OSBPL8: variants seen among roughly 807,000 people sequenced by gnomAD.
OSBPL8 encodes oxysterol binding protein like 8, also known as oxysterol-binding protein-related protein 8.
In OSBPL8, 59 loss-of-function variants were observed where a neutral mutation model predicts 125.5. The observed-to-expected ratio is 0.47, with a 90% CI of 0.38 to 0.58. The LOEUF (loss-of-function observed/expected upper bound fraction) is 0.58, where lower values mean the gene tolerates loss of function less well. OSBPL8 is among the 20% of genes least tolerant of loss of function. OSBPL8 has a pLI of 0.00. For synonymous variants in OSBPL8, 330 were observed against 338.9 expected (o/e 0.97, Z 0.29); for missense variants, 758 against 1,047.8 (o/e 0.72, Z 3.82).
At chr12:76,513,233 A>G (rs1881184768) in intron 1 of OSBPL8, among the ~76,000 whole-genome samples, 1 of 149,356 alleles carries the variant, frequency 6.7e-6, no homozygotes, top group Non-Finnish European at 1.5e-5. Context: ...TTGCTTTCAG[A>G]ATTTTGAGGA....
chr12:76,387,603 T>C (rs1221023826), intron 12 of OSBPL8, among the ~76,000 whole-genome samples: 4 of 152,198 alleles, frequency 2.6e-5, no homozygotes, highest in Non-Finnish European at 5.9e-5. Context: ...TGTTGTTTTC[T>C]GTTTGTAATG....
chr12:76,373,605 T>A, intron 17 of OSBPL8, 172 bp from the exon 18 acceptor site: 1 of 473,530 alleles, frequency 2.1e-6, no homozygotes. Context: ...TAATAAGAAA[T>A]CTGAATTGCT....
intron 1 of OSBPL8, among the ~76,000 whole-genome samples, chr12:76,531,954 G>A (rs1245504949): frequency 1.3e-5 from 2 of 149,250 alleles, no homozygotes; most frequent in Admixed American, 6.7e-5. Flanking sequence ...GGAGAATGGC[G>A]TGAACCCAGG....
chr12:76,393,654 T>C (rs1204647032), intron 9 of OSBPL8, among the ~76,000 whole-genome samples: 1 of 128,106 alleles, frequency 7.8e-6, no homozygotes, highest in African/African-American at 3.0e-5. Context: ...GAGCTTGCAG[T>C]GAGCCGAGAT....
chr12:76,532,790 G>T (rs1320668506), intron 1 of OSBPL8, among the ~76,000 whole-genome samples: 2 of 151,536 alleles, frequency 1.3e-5, no homozygotes, highest in East Asian at 3.9e-4. Flanking sequence ...CACAAGCAGA[G>T]TGATCACGTG....
intron 1 of OSBPL8, among the ~76,000 whole-genome samples, chr12:76,524,652 A>T (rs1475523775): frequency 6.6e-6 from 1 of 151,892 alleles, no homozygotes; most frequent in Non-Finnish European, 1.5e-5. Flanking sequence ...GAAAATCAAA[A>T]TTAATTCATA....
Position 76,386,655 on chromosome 12 carries a change from G to C in OSBPL8, c.1358C>G (p.Ala453Gly). The C allele has an allele frequency of 6.2e-7, 1 of 1,600,548 alleles. No homozygotes were observed. The highest frequency in any genetic ancestry group is 8.5e-7 in the Non-Finnish European group (1 of 1,172,866). The part of the protein sequence containing the change: ...YYHADFLSEA[A>G]LEENPYFRLK... Reference sequence around the variant, plus strand: ...ACGGAAATAAGGATTTTCTTCAAGAGCTGCCCTAAAACACAAAACGGTAAA... The same window carrying C: ...ACGGAAATAAGGATTTTCTTCAAGACCTGCCCTAAAACACAAAACGGTAAA... Residue 453 changes from alanine (A) to glycine (G), a missense_variant, in exon 13 of 24, where the codon GCT becomes GGT. Ala to Gly is a moderately conservative substitution (Grantham distance 60). This residue lies in a region of OSBPL8 where 572 missense variants were observed against 762.0 expected (regional missense o/e 0.75). Coordinates refer to ENST00000261183, the MANE Select transcript of OSBPL8 (RefSeq NM_020841.5).
chr12:76,478,826 C>T (rs967820972), intron 2 of OSBPL8, among the ~76,000 whole-genome samples: 2 of 152,148 alleles, frequency 1.3e-5, no homozygotes, highest in East Asian at 1.9e-4. Flanking sequence ...TGGCTCACAC[C>T]TGTAATCCCA....
chr12:76,495,574 T>C (rs1305192432), intron 1 of OSBPL8, among the ~76,000 whole-genome samples: 1 of 152,204 alleles, frequency 6.6e-6, no homozygotes, highest in Non-Finnish European at 1.5e-5. Context: ...CAAAATATTA[T>C]GCAAGTCTGA....
intron 1 of OSBPL8, among the ~76,000 whole-genome samples, chr12:76,501,369 G>C (rs1214630214): frequency 9.3e-6 from 1 of 107,760 alleles, no homozygotes; most frequent in African/African-American, 2.9e-5. Context: ...GGGCTATAAA[G>C]AAGAAGGAAA....
At chr12:76,510,649 G>A (rs1880877626) in intron 1 of OSBPL8, among the ~76,000 whole-genome samples, 1 of 152,206 alleles carries the variant, frequency 6.6e-6, no homozygotes, top group African/African-American at 2.4e-5. Flanking sequence ...GGAGGCCGAG[G>A]CAGGCAGATC....
At chr12:76,502,112 A>G (rs1316100167) in intron 1 of OSBPL8, among the ~76,000 whole-genome samples, 1 of 152,202 alleles carries the variant, frequency 6.6e-6, no homozygotes, top group Non-Finnish European at 1.5e-5. Flanking sequence ...CAATTGTAGC[A>G]TCAGCTATGG....
chr12:76,525,857 A>G (rs1980061), intron 1 of OSBPL8, among the ~76,000 whole-genome samples: 115,662 of 152,220 alleles, frequency 0.76, 44,883 homozygotes, highest in African/African-American at 0.93. Flanking sequence ...AATTATGTAA[A>G]ATATTAAGAC....
chr12:76,357,088 T>A (rs1952015022), intron 22 of OSBPL8, among the ~76,000 whole-genome samples: 1 of 152,190 alleles, frequency 6.6e-6, no homozygotes, highest in African/African-American at 2.4e-5. Flanking sequence ...TTTTTCCAAT[T>A]TTTTATTGTG....
chr12:76,366,619 C>T (rs527779022), intron 21 of OSBPL8: 54 of 443,114 alleles, frequency 1.2e-4, no homozygotes, highest in African/African-American at 4.1e-4. Flanking sequence ...CAGTTTCTCA[C>T]GGAATGAAGT....
intron 23 of OSBPL8, 72 bp downstream of exon 23, chr12:76,356,554 G>T: frequency 2.2e-6 from 2 of 927,480 alleles, no homozygotes; most frequent in East Asian, 2.5e-5. Flanking sequence ...GTCTGCATAT[G>T]ATTTCCCATA....
intron 15 of OSBPL8, among the ~76,000 whole-genome samples, chr12:76,380,542 A>AAAAAAAAAAAAG (rs1953002557): frequency 2.0e-5 from 3 of 151,228 alleles, no homozygotes; most frequent in African/African-American, 7.3e-5. Context: ...AAAAAAAAAA[A>AAAAAAAAAAAAG]AAAAACCCTC....
At chr12:76,531,252 CACTT>C (rs1221455439) in intron 1 of OSBPL8, among the ~76,000 whole-genome samples, 10 of 152,292 alleles carry the variant, frequency 6.6e-5, no homozygotes, top group Non-Finnish European at 1.2e-4. Context: ...TTTTATCACT[CACTT>C]AGCATCATAA....
At chr12:76,482,717 G>A (rs1179039384) in intron 2 of OSBPL8, among the ~76,000 whole-genome samples, 2 of 152,136 alleles carry the variant, frequency 1.3e-5, no homozygotes, top group Non-Finnish European at 2.9e-5. Flanking sequence ...ACCTCAATCA[G>A]GTCATAAAAC....
Sources: allele counts gnomAD v4.1 joint callset (sites outside exome capture counted in the v4.1 genomes callset), GRCh38; gene constraint gnomAD v4.1.1; regional missense constraint gnomAD v4.1.1; transcripts MANE v1.5; gene names NCBI Gene and HGNC (gene_info 2026-07-23, HGNC 2026-07-21).